TEX9: variants seen among roughly 807,000 people sequenced by gnomAD.
The protein encoded by TEX9 is testis expressed 9, also known as testis-expressed protein 9.
Under a neutral mutation model 59.6 loss-of-function variants are expected in TEX9, and 74 were observed. That is an observed-to-expected ratio of 1.24 (90% CI 1.03 to 1.51). The LOEUF is 1.51. Among genes scored for constraint, TEX9 ranks in the 40% most tolerant of loss-of-function variants. The pLI is 0.00. For missense variants in TEX9, 522 were observed against 447.8 expected, an observed-to-expected ratio of 1.17 and a Z score of -1.49; for synonymous variants, 186 against 152.2, an observed-to-expected ratio of 1.22 and a Z score of -1.64.
chr15:56,360,149 G>C (rs2046764263), intron 1 of TEX9, among the ~76,000 whole-genome samples: 1 of 151,952 alleles, frequency 6.6e-6, no homozygotes, highest in Non-Finnish European at 1.5e-5. Flanking sequence ...TTTTGTTAAG[G>C]GTTTAAAAAT....
exon 11 of TEX9, chr15:56,427,698 A>C: frequency 1.3e-6 from 2 of 1,520,930 alleles, no homozygotes; most frequent in Non-Finnish European, 1.8e-6. Flanking sequence ...GATAGGGTTC[A>C]AGAAACAGTT....
intron 1 of TEX9, among the ~76,000 whole-genome samples, chr15:56,278,514 A>G (rs1410239187): frequency 6.6e-6 from 1 of 152,140 alleles, no homozygotes; most frequent in Admixed American, 6.5e-5. Context: ...GTACTGTGAG[A>G]GATTCATTTC....
chr15:56,434,041 T>C, intron 12 of TEX9: 1 of 1,309,980 alleles, frequency 7.6e-7, no homozygotes, highest in Non-Finnish European at 1.0e-6. Context: ...TAACATTGTC[T>C]GGCATATAAA....
At position 56,270,575 on chromosome 15, in the gene TEX9, G is replaced by A. The variant is rs896689883; in HGVS notation, c.-107+26297G>A. On this transcript the variant is annotated intron_variant, in intron 1 of 5. Transcript: ENST00000560827. ...TGAATACAGCACACTGATGGGTCTT[G>A]ACTCTTTATCCAATTTGCCAGTCTG... Among the ~76,000 whole-genome samples the A allele has an allele frequency of 2.8e-4, 42 of 152,280 alleles. 1 individual carries two copies. The highest frequency in any genetic ancestry group is 9.6e-4 in the African/African-American group (40 of 41,536).
chr15:56,266,673 T>C (rs1352225361), intron 1 of TEX9, among the ~76,000 whole-genome samples: 2 of 152,144 alleles, frequency 1.3e-5, no homozygotes, highest in African/African-American at 4.8e-5. Context: ...TTTTTATGGT[T>C]GCATAGTATT....
chr15:56,311,888 T>A (rs1288518425), intron 1 of TEX9, among the ~76,000 whole-genome samples: 1 of 148,126 alleles, frequency 6.8e-6, no homozygotes, highest in Middle Eastern at 3.2e-3. Flanking sequence ...ATTTCTCTGA[T>A]GGCCAGTGAT....
chr15:56,300,914 T>A (rs1283561042), intron 1 of TEX9, among the ~76,000 whole-genome samples: 1 of 152,172 alleles, frequency 6.6e-6, no homozygotes, highest in Non-Finnish European at 1.5e-5. Context: ...CTGTGAAGAC[T>A]ACAGTAAATA....
At chr15:56,346,846 G>A (rs1476627491) in intron 1 of TEX9, among the ~76,000 whole-genome samples, 8 of 152,162 alleles carry the variant, frequency 5.3e-5, no homozygotes, top group Admixed American at 2.6e-4. Flanking sequence ...GAAATCTACC[G>A]GAAATCTCCA....
chr15:56,396,618 C>G (rs557685104), intron 9 of TEX9: 1 of 126,102 alleles, frequency 7.9e-6, no homozygotes, highest in Admixed American at 9.2e-5. Flanking sequence ...TATGGTTTGG[C>G]TGTGTCCCCA....
At chr15:56,417,322 G>T (rs1461003728) in intron 10 of TEX9, among the ~76,000 whole-genome samples, 1 of 151,804 alleles carries the variant, frequency 6.6e-6, no homozygotes. Flanking sequence ...ATAACTTTTT[G>T]ATGTGGGCGT....
chr15:56,260,573 T>C (rs2044242279), intron 1 of TEX9, among the ~76,000 whole-genome samples: 1 of 152,138 alleles, frequency 6.6e-6, no homozygotes, highest in Non-Finnish European at 1.5e-5. Flanking sequence ...TTTAAACCAA[T>C]TTTTTATTCC....
chr15:56,419,750 G>A lies in TEX9; in HGVS notation c.963+7314G>A, dbSNP rs28806800. ...GGTTTTTTGGTTTGAATTTGTTTTG[G>A]TTTTGGTTTCAGGGTAATGCTGCCT... On this transcript the variant is annotated intron_variant, in intron 10 of 12. Transcript: ENST00000352903. Among the ~76,000 whole-genome samples, 436 of 151,688 alleles carry A rather than the reference G, an allele frequency of 2.9e-3. 11 individuals are homozygous for A. Among genetic ancestry groups the A allele is most frequent in the African/African-American group, 0.01 (414 of 41,180 alleles).
intron 1 of TEX9, among the ~76,000 whole-genome samples, chr15:56,249,507 A>G (rs2043958000): frequency 6.6e-6 from 1 of 151,916 alleles, no homozygotes; most frequent in East Asian, 1.9e-4. Context: ...AGGGGCGCTG[A>G]GACAGGTGGA....
chr15:56,408,091 T>C (rs1286494948), intron 9 of TEX9, among the ~76,000 whole-genome samples: 1 of 152,342 alleles, frequency 6.6e-6, no homozygotes, highest in East Asian at 1.9e-4. Context: ...AGATCTTACA[T>C]CTACCTCCAG....
Position 56,355,949 on chromosome 15 carries a change from T to C in TEX9, c.-106-17492T>C, listed in dbSNP as rs557656945. Among the ~76,000 whole-genome samples the C allele has an allele frequency of 1.1e-4, 16 of 152,190 alleles. No individual in the cohort carries two copies. In the South Asian group the frequency reaches 1.2e-3, roughly 12 times the overall value. On this transcript the variant is annotated intron_variant, in intron 1 of 5. Transcript: ENST00000560827. ...TATAATTTTATAGAATAGAATTTTA[T>C]AGTATGGTATATAGAAGTATAATTA...
At chr15:56,396,840 C>A (rs2048504460) in intron 9 of TEX9, 1 of 152,316 alleles carries the variant, frequency 6.6e-6, no homozygotes, top group African/African-American at 2.4e-5. Flanking sequence ...GATTGTGAGG[C>A]CTCCCCAGCC....
At chr15:56,416,801 A>T (rs982880363) in intron 10 of TEX9, among the ~76,000 whole-genome samples, 1 of 151,802 alleles carries the variant, frequency 6.6e-6, no homozygotes, top group Non-Finnish European at 1.5e-5. Context: ...TTCTTTGTAC[A>T]TCTGGTAGAA....
chr15:56,375,107 T>A (rs1948343730), intron 3 of TEX9, among the ~76,000 whole-genome samples: 1 of 152,100 alleles, frequency 6.6e-6, no homozygotes, highest in Non-Finnish European at 1.5e-5. Flanking sequence ...TCCACAGTGG[T>A]TGAACTAGTT....
intron 2 of TEX9, among the ~76,000 whole-genome samples, chr15:56,366,616 C>T (rs1395860823): frequency 6.6e-6 from 1 of 152,092 alleles, no homozygotes; most frequent in East Asian, 1.9e-4. Flanking sequence ...CTGTAAGTTC[C>T]AAGGGCAGAG....
Sources: gnomAD v4.1 joint callset for allele counts (sites outside exome capture counted in the v4.1 genomes callset) on GRCh38, gnomAD v4.1.1 for gene constraint, MANE v1.5 for transcripts, NCBI Gene and HGNC (gene_info 2026-07-23, HGNC 2026-07-21) for gene names.